The following IYD variants were observed in gnomAD, a reference collection of about 807,000 sequenced individuals.
IYD encodes the protein iodotyrosine deiodinase, also known as iodotyrosine deiodinase 1.
A neutral mutation model predicts 28.4 loss-of-function variants in IYD; 25 were observed. That is an observed-to-expected ratio of 0.88 (90% confidence interval 0.64 to 1.23). The LOEUF (loss-of-function observed/expected upper bound fraction) is 1.23. Among genes scored for constraint, IYD ranks in the 50% most tolerant of loss-of-function variants. The pLI is 0.00. For missense variants in IYD, 352 were observed against 357.9 expected, an observed-to-expected ratio of 0.98 and a Z score of 0.13; for synonymous variants, 140 against 130.8, an observed-to-expected ratio of 1.07 and a Z score of -0.48.
At chr6:150,393,447 G>A (rs904566535) in intron 3 of IYD, among the ~76,000 whole-genome samples, 3 of 152,172 alleles carry the variant, frequency 2.0e-5, no homozygotes, top group African/African-American at 4.8e-5. Flanking sequence ...AGTGAGTTTC[G>A]TGTGCTTTGG....
intron 1 of IYD, among the ~76,000 whole-genome samples, chr6:150,375,282 TG>T (rs1219822840): frequency 6.6e-6 from 1 of 152,076 alleles, no homozygotes; most frequent in Non-Finnish European, 1.5e-5. Flanking sequence ...AGTTTTGGGG[TG>T]GGCCAAAGTG....
In IYD at chr6:150,403,591, A is replaced by C. The variant is rs1286524202; in HGVS notation, c.*5354A>C. The stretch of plus-strand genomic sequence containing the variant: ...TGCTCCCTATCTGGGTGGCCTCAGC[A>C]AATGACGTCCAGCACATCCAGGGGC... On this transcript the variant is annotated 3_prime_UTR_variant, in exon 5 of 5. Transcript: ENST00000344419. The C allele has an allele frequency of 6.6e-6, 1 of 152,292 alleles. No homozygotes were observed. The highest frequency in any genetic ancestry group is 1.5e-5 in the Non-Finnish European group (1 of 68,070). The allele number at this position is 152,292 out of a possible 1,614,324, so 9.4% of individuals were successfully genotyped here.
Position 150,389,389 on chromosome 6 carries a change from A to G in IYD, c.216A>G (p.Glu72=). The G allele has an allele frequency of 6.2e-7, 1 of 1,613,942 alleles. No homozygotes were observed. Among genetic ancestry groups the G allele is most frequent in the Non-Finnish European group, 8.5e-7 (1 of 1,179,858 alleles). The change falls in exon 2 of 5, where the codon GAA becomes GAG. Residue 72 remains glutamate, a synonymous_variant. Transcript: ENST00000344419. ...DEWQESEENV[E]HIPFSHNHYP... ...GGCAAGAATCAGAAGAAAATGTTGAACACATCCCCTTCTCTCATAACCACT... is the reference window on the plus strand; with the variant it reads ...GGCAAGAATCAGAAGAAAATGTTGAGCACATCCCCTTCTCTCATAACCACT...
At chr6:150,373,871 A>AT (rs1490770214) in intron 1 of IYD, among the ~76,000 whole-genome samples, 1 of 152,246 alleles carries the variant, frequency 6.6e-6, no homozygotes, top group Non-Finnish European at 1.5e-5. Context: ...CACATGGCTA[A>AT]TTTAAGAGGT....
At position 150,399,445 on chromosome 6, in the gene IYD, G is replaced by C. The variant is rs1410680768; in HGVS notation, c.*1208G>C. On this transcript the variant is annotated 3_prime_UTR_variant, in exon 5 of 5. Coordinates refer to ENST00000344419, the MANE Select transcript of IYD (RefSeq NM_203395.3). ...CTGATAGGGTCACAGTTGCCAGGTT[G>C]GGAATGCTAGATGTAGTCTTCACCC... is the stretch of plus-strand genomic sequence containing the variant. 6.6e-6 allele frequency: 1 copy of C among 152,222 alleles called. No homozygotes were observed. The highest frequency in any genetic ancestry group is 1.5e-5 in the Non-Finnish European group (1 of 68,102). 9.4% of individuals were successfully genotyped at this position (152,222 alleles called of 1,614,324 possible).
rs886061174 is a variant in IYD, at chr6:150,400,440, G to A, written c.*2203G>A. On this transcript the variant is annotated 3_prime_UTR_variant, in exon 5 of 5. Coordinates refer to ENST00000344419, the MANE Select transcript of IYD (RefSeq NM_203395.3). The stretch of plus-strand genomic sequence containing the variant: ...AATGGTAGGATAACTGACATTAAGT[G>A]TTCCTGCTGGGATGAATTATGAAGT... 3.3e-5 allele frequency: 5 copies of A among 152,170 alleles called. No homozygotes were observed. The highest frequency in any genetic ancestry group is 3.3e-4 in the Admixed American group (5 of 15,280). The allele number at this position is 152,170 out of a possible 1,614,324, so 9.4% of individuals were successfully genotyped here. A position where few individuals can be genotyped will look rare whatever the true frequency, so the allele number is the denominator to read the frequency against.
chr6:150,370,049 T>C (rs1165214895), intron 1 of IYD: 2 of 702,130 alleles, frequency 2.8e-6, no homozygotes, highest in Admixed American at 2.0e-5. Context: ...GCTTGAGCCA[T>C]CTGTGTTTGA....
intron 4 of IYD, chr6:150,395,582 G>A: frequency 6.5e-7 from 1 of 1,534,832 alleles, no homozygotes; most frequent in South Asian, 1.2e-5. Flanking sequence ...TCTGCAGCAG[G>A]CAGTCTTTTT....
At chr6:150,391,876 T>C (rs1303599275) in intron 2 of IYD, among the ~76,000 whole-genome samples, 1 of 151,588 alleles carries the variant, frequency 6.6e-6, no homozygotes, top group African/African-American at 2.4e-5. Context: ...ACCCGGGTAA[T>C]TTTTCTATTT....
chr6:150,398,230 C>T lies in IYD; in HGVS notation c.863C>T (p.Thr288Ile). Residue 288 changes from threonine (T) to isoleucine (I), a missense_variant, in exon 5 of 5, where the codon ACA becomes ATA. By Grantham distance (89) the Thr-to-Ile change is moderately conservative. Transcript: ENST00000344419. ...KRKPLDQIMV[T>I]V ...AAACCTCTGGACCAGATCATGGTGACAGTGTAGGCAGGGCCCCCCAAGGGA... is the reference window on the plus strand; with the variant it reads ...AAACCTCTGGACCAGATCATGGTGATAGTGTAGGCAGGGCCCCCCAAGGGA... The T allele has an allele frequency of 1.2e-6, 2 of 1,614,132 alleles. No homozygotes were observed. The highest frequency in any genetic ancestry group is 1.7e-6 in the Non-Finnish European group (2 of 1,180,012).
chr6:150,383,815 C>CAAAAAAAAAAAAAAAAAAAA (rs1173122063), intron 1 of IYD, among the ~76,000 whole-genome samples: 1 of 36,084 alleles, frequency 2.8e-5, no homozygotes, highest in African/African-American at 9.4e-5. Context: ...AAAACAAAAA[C>CAAAAAAAAAAAAAAAAAAAA]AAAAACAAAA....
intron 4 of IYD, among the ~76,000 whole-genome samples, chr6:150,397,602 A>T (rs11760118): frequency 0.095 from 14,118 of 148,138 alleles, 983 homozygotes; most frequent in Non-Finnish European, 0.14. Flanking sequence ...CCGAATATGT[A>T]TATTTAGTAG....
intron 1 of IYD, among the ~76,000 whole-genome samples, chr6:150,381,587 A>G (rs956680725): frequency 1.1e-4 from 17 of 152,238 alleles, no homozygotes; most frequent in Non-Finnish European, 5.9e-5. Context: ...CCAACATTTC[A>G]TAAACACCCA....
At chr6:150,385,808 T>C (rs1777841517) in intron 1 of IYD, among the ~76,000 whole-genome samples, 1 of 152,036 alleles carries the variant, frequency 6.6e-6, no homozygotes, top group African/African-American at 2.4e-5. Flanking sequence ...TCAGCTTATT[T>C]AATAGTCAGC....
chr6:150,385,568 A>ATT lies in IYD; in HGVS notation c.179-3776_179-3775dup, dbSNP rs55819886. On this transcript the variant is annotated intron_variant, in intron 1 of 4. Coordinates refer to ENST00000344419, the MANE Select transcript of IYD (RefSeq NM_203395.3). ...GATAATTCTAACTTGGCCAAGATGT[A>ATT]TTTTTTTTTATAAATTGCTGAATTC... is the stretch of plus-strand genomic sequence containing the variant. Among the ~76,000 whole-genome samples, 387 of 151,132 alleles carry ATT rather than the reference A, an allele frequency of 2.6e-3. 2 individuals carry two copies. Among genetic ancestry groups the ATT allele is most frequent in the Non-Finnish European group, 4.0e-3 (269 of 67,668 alleles).
At chr6:150,377,569 T>C (rs1256105516) in intron 1 of IYD, among the ~76,000 whole-genome samples, 1 of 152,212 alleles carries the variant, frequency 6.6e-6, no homozygotes, top group Non-Finnish European at 1.5e-5. Context: ...TCAGGGATAA[T>C]GGTTAGCACT....
At position 150,394,194 on chromosome 6, in the gene IYD, T is replaced by C. The variant is rs1172132547; in HGVS notation, c.626T>C (p.Val209Ala). 1 of 1,614,064 alleles carries C rather than the reference T, an allele frequency of 6.2e-7. No individual in the cohort carries two copies. Among genetic ancestry groups the C allele is most frequent in the Non-Finnish European group, 8.5e-7 (1 of 1,180,044 alleles). Reference protein sequence around the residue: ...HGFAANGKKKVHYYNEISVSI... With the variant: ...HGFAANGKKKAHYYNEISVSI... Reference sequence around the variant, plus strand: ...TTCGCCGCAAATGGCAAGAAAAAAGTCCACTACTACAATGAGATCAGTGTT... The same window carrying C: ...TTCGCCGCAAATGGCAAGAAAAAAGCCCACTACTACAATGAGATCAGTGTT... The change falls in exon 4 of 5, where the codon GTC (valine) becomes GCC (alanine). Residue 209 changes from valine (V) to alanine (A), a missense_variant. Val to Ala is a moderately conservative substitution (Grantham distance 64). Coordinates refer to ENST00000344419, the MANE Select transcript of IYD (RefSeq NM_203395.3).
At chr6:150,386,273 T>C (rs915968968) in intron 1 of IYD, among the ~76,000 whole-genome samples, 4 of 152,162 alleles carry the variant, frequency 2.6e-5, no homozygotes, top group African/African-American at 9.6e-5. Flanking sequence ...CTAAATATAA[T>C]ATGTTAATGT....
At chr6:150,394,654 T>G (rs2076288) in intron 4 of IYD, among the ~76,000 whole-genome samples, 25,928 of 152,162 alleles carry the variant, frequency 0.17, 4,600 homozygotes, top group African/African-American at 0.44. Flanking sequence ...GAGGCCCTTT[T>G]CTGAGAAGTT....
Sources: allele counts gnomAD v4.1 joint callset (sites outside exome capture counted in the v4.1 genomes callset), GRCh38; gene constraint gnomAD v4.1.1; transcripts MANE v1.5; gene names NCBI Gene and HGNC (gene_info 2026-07-23, HGNC 2026-07-21).